Variants in KLHL5 observed in about 807,000 individuals in gnomAD.
KLHL5 encodes the protein kelch-like protein 5.
A neutral mutation model predicts 77.7 loss-of-function variants in KLHL5; 48 were observed. The ratio of observed to expected loss-of-function variants is 0.62; its 90% CI spans 0.49 to 0.79. KLHL5 has a LOEUF of 0.79. Among genes scored for constraint, KLHL5 ranks in the 30% least tolerant of loss-of-function variants. The pLI, the probability that KLHL5 is intolerant of heterozygous loss-of-function variation, is 0.00. For synonymous variants in KLHL5, 260 were observed against 297.0 expected, an observed-to-expected ratio of 0.88 and a Z score of 1.28; for missense variants, 723 against 859.7, an observed-to-expected ratio of 0.84 and a Z score of 1.99.
intron 1 of KLHL5, among the ~76,000 whole-genome samples, chr4:39,051,451 T>G (rs185125962): frequency 6.6e-5 from 10 of 152,292 alleles, no homozygotes; most frequent in African/African-American, 2.4e-4. Flanking sequence ...AATGTCATAT[T>G]AAGACTCTTA....
intron 5 of KLHL5, among the ~76,000 whole-genome samples, chr4:39,090,175 A>T (rs1720398192): frequency 6.6e-6 from 1 of 152,214 alleles, no homozygotes; most frequent in Admixed American, 6.5e-5. Flanking sequence ...CCATATGCCA[A>T]TCAAATAATA....
intron 2 of KLHL5, among the ~76,000 whole-genome samples, chr4:39,076,743 G>GTT (rs137873302): frequency 1.8e-4 from 22 of 121,174 alleles, no homozygotes; most frequent in African/African-American, 4.7e-4. Flanking sequence ...ATTCTCAAAG[G>GTT]TTTTTTTTTT....
At chr4:39,058,210 G>A (rs1717131356), upstream of KLHL5, among the ~76,000 whole-genome samples, 1 of 152,132 alleles carries the variant, frequency 6.6e-6, no homozygotes, top group Admixed American at 6.6e-5. Flanking sequence ...AAGAAAGTGT[G>A]TCCATTTGAA....
At chr4:39,126,986 T>C (rs987378904), downstream of KLHL5, 1 of 321,332 alleles carries the variant, frequency 3.1e-6, no homozygotes, top group East Asian at 8.1e-5. Flanking sequence ...GTGTAACGAA[T>C]GTGGTCAAAA....
chr4:39,094,923 G>GAAGACTA (rs1720918021), intron 5 of KLHL5, among the ~76,000 whole-genome samples: 1 of 152,062 alleles, frequency 6.6e-6, no homozygotes, highest in African/African-American at 2.4e-5. Context: ...AGATAATCCA[G>GAAGACTA]AAGACTACAT....
In KLHL5 at chr4:39,050,054, G is replaced by A. The variant is rs145763096; in HGVS notation, c.-95+4958G>A. ...CACGCCACTGCACTTCATCCTGGGCGACAGAGTGAGACTCCATCCCAAAAA... is the reference window on the plus strand; with the variant it reads ...CACGCCACTGCACTTCATCCTGGGCAACAGAGTGAGACTCCATCCCAAAAA... On this transcript the variant is annotated intron_variant, in intron 1 of 11. Transcript: ENST00000261425. Among the ~76,000 whole-genome samples, 6 of 152,214 alleles carry A rather than the reference G, an allele frequency of 3.9e-5. No homozygotes were observed. The East Asian group carries it at 5.8e-4, about 15-fold the overall frequency.
Position 39,062,652 on chromosome 4 carries a change from G to A in KLHL5, c.-1G>A, listed in dbSNP as rs1215429469. On this transcript the variant is annotated 5_prime_UTR_variant, in exon 1 of 11. Coordinates refer to ENST00000504108, the MANE Select transcript of KLHL5 (RefSeq NM_015990.5). ...TAGACGATCACTTGGTTTCTCTGAG[G>A]ATGTCTGGTTCTCGTAAAGAGTTTG... is the stretch of plus-strand genomic sequence containing the variant. 2 of 1,614,034 alleles carry A rather than the reference G, an allele frequency of 1.2e-6. No homozygotes were observed. Among genetic ancestry groups the A allele is most frequent in the East Asian group, 2.2e-5 (1 of 44,902 alleles).
At position 39,087,676 on chromosome 4, in the gene KLHL5, T is replaced by A. The variant is rs201534322; in HGVS notation, c.1113+949T>A. ...ATGCATAGTTTTCCCCTTTTTACAA[T>A]TTTCACTGGAATATATAAAAATTTT... On this transcript the variant is annotated intron_variant, in intron 5 of 10. Transcript: ENST00000504108. 2.0e-4 allele frequency among the ~76,000 whole-genome samples: 31 copies of A among 152,326 alleles called. No homozygotes were observed. In the East Asian group the frequency reaches 5.6e-3, roughly 27 times the overall value.
chr4:39,045,158 GC>G (rs1310044709), intron 1 of KLHL5: 1 of 984,082 alleles, frequency 1.0e-6, no homozygotes, highest in East Asian at 1.1e-4. Flanking sequence ...CCCGCTTCCC[GC>G]CCCCACGCGA....
intron 5 of KLHL5, chr4:39,093,403 A>G: frequency 2.2e-6 from 1 of 455,988 alleles, no homozygotes; most frequent in South Asian, 1.5e-5. Context: ...AAAATGTTTC[A>G]AAACTGTTTT....
chr4:39,141,807 A>C, the KLHL5 span, among the ~76,000 whole-genome samples: 1 of 152,134 alleles, frequency 6.6e-6, no homozygotes, highest in Non-Finnish European at 1.5e-5. Flanking sequence ...AAGAAAAAAG[A>C]AAAAGAGGGT....
chr4:39,081,969 T>C lies in KLHL5; in HGVS notation c.710T>C (p.Leu237Pro). The change falls in exon 4 of 11, where the codon CTT becomes CCT. Residue 237 changes from leucine to proline, a missense_variant. By Grantham distance (98) the Leu-to-Pro change is moderately conservative. Around this residue, in one of 3 missense-constraint regions of KLHL5, gnomAD observed 288 missense variants for 400.3 expected, o/e 0.72. Coordinates refer to ENST00000504108, the MANE Select transcript of KLHL5 (RefSeq NM_015990.5). This position sits in a 1 kb window ranked among gnomAD's most constrained non-coding sequence, Gnocchi z 4.3. ...ATTTCTTTTTATCATTAAGGCCGCC[T>C]TGAATTAAAAGAAGATAATATTGAG... The part of the protein sequence containing the change: ...SLIQYAYTGR[L>P]ELKEDNIECL... The C allele has an allele frequency of 6.3e-7, 1 of 1,584,808 alleles. No homozygotes were observed. Among genetic ancestry groups the C allele is most frequent in the Non-Finnish European group, 8.6e-7 (1 of 1,168,226 alleles).
upstream of KLHL5, among the ~76,000 whole-genome samples, chr4:39,058,202 G>A (rs1007274827): frequency 1.3e-5 from 2 of 152,160 alleles, no homozygotes; most frequent in Admixed American, 6.6e-5. Context: ...TTAGTTTGAA[G>A]AAAGTGTGTC....
At chr4:39,108,993 A>G (rs560124175) in intron 8 of KLHL5, among the ~76,000 whole-genome samples, 1 of 152,298 alleles carries the variant, frequency 6.6e-6, no homozygotes, top group African/African-American at 2.4e-5. Flanking sequence ...AAATATTTCA[A>G]TCCTTAACCC....
intron 1 of KLHL5, among the ~76,000 whole-genome samples, chr4:39,055,836 C>T (rs145098157): frequency 3.1e-4 from 47 of 152,192 alleles, no homozygotes; most frequent in African/African-American, 1.0e-3. Flanking sequence ...CTGCATTGTA[C>T]GTGATATGGT....
chr4:39,141,166 A>G, the KLHL5 span, among the ~76,000 whole-genome samples: 1 of 152,196 alleles, frequency 6.6e-6, no homozygotes, highest in African/African-American at 2.4e-5. Context: ...TAAAAACACA[A>G]GAGAACCAGA....
At chr4:39,104,770 C>T (rs189924076) in intron 7 of KLHL5, among the ~76,000 whole-genome samples, 4 of 146,452 alleles carry the variant, frequency 2.7e-5, no homozygotes, top group African/African-American at 1.0e-4. Flanking sequence ...AAGAAATAAA[C>T]TTTTTTTTTT....
chr4:39,045,224 C>A, intron 1 of KLHL5: 1 of 951,890 alleles, frequency 1.1e-6, no homozygotes, highest in Non-Finnish European at 1.2e-6. Flanking sequence ...GACGCTGCCC[C>A]TCCCGGAGGC....
At chr4:39,107,229 G>A (rs1443221424) in intron 7 of KLHL5, among the ~76,000 whole-genome samples, 1 of 151,914 alleles carries the variant, frequency 6.6e-6, no homozygotes, top group East Asian at 1.9e-4. Flanking sequence ...TGTATTTTTA[G>A]TAGAGAAGAG....
Sources: allele counts gnomAD v4.1 joint callset (sites outside exome capture counted in the v4.1 genomes callset), GRCh38; gene constraint gnomAD v4.1.1; regional missense constraint gnomAD v4.1.1; non-coding constraint Gnocchi (gnomAD v3.1); transcripts MANE v1.5; gene names NCBI Gene and HGNC (gene_info 2026-07-23, HGNC 2026-07-21).